The following PLCG2 variants were observed in gnomAD, a reference collection of about 807,000 sequenced individuals.
The protein encoded by PLCG2 is 1-phosphatidylinositol 4,5-bisphosphate phosphodiesterase gamma-2.
PLCG2 carries 69 observed loss-of-function variants against 175.6 expected under a neutral mutation model. The ratio of observed to expected loss-of-function variants is 0.39; its 90% CI spans 0.32 to 0.48. The LOEUF is 0.48. PLCG2 is among the 20% of genes least tolerant of loss of function. The pLI is 0.91. For synonymous variants in PLCG2, 827 were observed against 624.0 expected, an observed-to-expected ratio of 1.33 and a Z score of -4.85; for missense variants, 1,798 against 1,650.9, an observed-to-expected ratio of 1.09 and a Z score of -1.54.
At chr16:81,747,679 G>C (rs989983773) in intron 1 of PLCG2, among the ~76,000 whole-genome samples, 1 of 152,002 alleles carries the variant, frequency 6.6e-6, no homozygotes, top group Non-Finnish European at 1.5e-5. Context: ...AAAATAATAA[G>C]GTGCAACATC....
At chr16:81,920,444 T>C (rs1910014452) in intron 20 of PLCG2, among the ~76,000 whole-genome samples, 1 of 152,120 alleles carries the variant, frequency 6.6e-6, no homozygotes, top group African/African-American at 2.4e-5. Context: ...TCAGGTAGCA[T>C]GAAATATAAT....
intron 2 of PLCG2, among the ~76,000 whole-genome samples, chr16:81,818,167 G>A (rs965758456): frequency 2.6e-5 from 4 of 152,208 alleles, no homozygotes; most frequent in African/African-American, 9.7e-5. Context: ...TCTTACTCCC[G>A]TTAGGATTGC....
intron 5 of PLCG2, among the ~76,000 whole-genome samples, chr16:81,859,965 A>G (rs192676224): frequency 2.0e-5 from 3 of 152,014 alleles, no homozygotes; most frequent in African/African-American, 4.8e-5. Context: ...AAGCTCTATG[A>G]CGGACTATTA....
intron 2 of PLCG2, among the ~76,000 whole-genome samples, chr16:81,790,246 A>G (rs1434813083): frequency 2.6e-5 from 4 of 152,154 alleles, no homozygotes; most frequent in East Asian, 1.9e-4. Context: ...AGTCCAGCCT[A>G]TGTAGTCTTC....
At chr16:81,829,658 C>T (rs1567486457) in intron 2 of PLCG2, among the ~76,000 whole-genome samples, 1 of 152,240 alleles carries the variant, frequency 6.6e-6, no homozygotes, top group South Asian at 2.1e-4. Flanking sequence ...AGGATTCATC[C>T]AGGACACCAC....
In PLCG2 at chr16:81,895,839, G is replaced by C; in HGVS notation, c.1105G>C (p.Val369Leu). 6.2e-7 allele frequency: 1 copy of C among 1,614,190 alleles called. No homozygotes were observed. The highest frequency in any genetic ancestry group is 8.5e-7 in the Non-Finnish European group (1 of 1,180,028). The change falls in exon 13 of 33, where the codon GTC becomes CTC. Residue 369 changes from valine to leucine, a missense_variant. Val to Leu is a conservative substitution (Grantham distance 32). Transcript: ENST00000564138. The part of the protein sequence containing the change: ...DCWDGPDGKP[V>L]IYHGWTRTTK... ...CTGGGACGGGCCCGATGGGAAGCCGGTCATCTACCATGGCTGGACGCGGAC... is the reference window on the plus strand; with the variant it reads ...CTGGGACGGGCCCGATGGGAAGCCGCTCATCTACCATGGCTGGACGCGGAC...
At chr16:81,783,061 T>C in intron 1 of PLCG2, 1 of 457,070 alleles carries the variant, frequency 2.2e-6, no homozygotes, top group South Asian at 1.6e-5. Flanking sequence ...GAAGGTTAAG[T>C]CCAAGGCCCT....
At chr16:81,803,113 C>T (rs1457688607) in intron 2 of PLCG2, among the ~76,000 whole-genome samples, 1 of 131,390 alleles carries the variant, frequency 7.6e-6, no homozygotes, top group Non-Finnish European at 1.6e-5. Flanking sequence ...TTGCATTTCA[C>T]TTTTTTTTTT....
At position 81,959,709 on chromosome 16, in the gene PLCG2, A is replaced by G. The variant is rs906570759; in HGVS notation, c.*1711A>G. The G allele has an allele frequency of 2.7e-5, 5 of 184,546 alleles. No homozygotes were observed. Among genetic ancestry groups the G allele is most frequent in the African/African-American group, 1.2e-4 (5 of 42,638 alleles). 11.4% of individuals were successfully genotyped at this position (184,546 alleles called of 1,614,324 possible). A position where few individuals can be genotyped will look rare whatever the true frequency, so the allele number is the denominator to read the frequency against. On this transcript the variant is annotated 3_prime_UTR_variant, in exon 33 of 33. Transcript: ENST00000564138. ...ACTTTCAAGAAAGGCTAGGTGAGAA[A>G]GGCACTGGGATGAGTGCTGCAGGCA...
At chr16:81,912,560 C>T (rs182469761) in intron 18 of PLCG2, 37 bp from the exon 19 acceptor site, 22 of 1,608,502 alleles carry the variant, frequency 1.4e-5, no homozygotes, top group East Asian at 6.7e-5. Flanking sequence ...GCCTGGAGAC[C>T]GCTCACCTGG....
chr16:81,959,155 A>G lies in PLCG2; in HGVS notation c.*1157A>G, dbSNP rs951275747. ...TGGTTGGTAGAGTCACAACTTCTCA[A>G]TGAGTGAATTTACAGCTGATGGGAA... On this transcript the variant is annotated 3_prime_UTR_variant, in exon 33 of 33. Transcript: ENST00000564138. 4.5e-6 allele frequency: 1 copy of G among 224,284 alleles called. No homozygotes were observed. Among genetic ancestry groups the G allele is most frequent in the African/African-American group, 2.2e-5 (1 of 44,870 alleles). The allele number at this position is 224,284 out of a possible 1,614,324, so 13.9% of individuals were successfully genotyped here. A position where few individuals can be genotyped will look rare whatever the true frequency, so the allele number is the denominator to read the frequency against.
At chr16:81,844,059 C>T (rs144401565) in intron 2 of PLCG2, among the ~76,000 whole-genome samples, 414 of 150,548 alleles carry the variant, frequency 2.7e-3, no homozygotes, top group Non-Finnish European at 5.3e-3. Context: ...TCACTACAAG[C>T]TCTGCCTCCC....
At chr16:81,947,313 C>T (rs879013183) in intron 31 of PLCG2, among the ~76,000 whole-genome samples, 1 of 152,194 alleles carries the variant, frequency 6.6e-6, no homozygotes, top group Admixed American at 6.5e-5. Context: ...GCTCACAAAT[C>T]TGCTTTCTGA....
upstream of PLCG2, among the ~76,000 whole-genome samples, chr16:81,776,084 T>TTTCTTTCTTTCTTG (rs56837530): frequency 2.6e-4 from 12 of 46,446 alleles, 2 homozygotes; most frequent in South Asian, 2.5e-3. Flanking sequence ...TCTCTCTCTC[T>TTTCTTTCTTTCTTG]CTCTCTTTCT....
chr16:81,934,907 C>T (rs1166560619), intron 26 of PLCG2, among the ~76,000 whole-genome samples: 1 of 152,086 alleles, frequency 6.6e-6, no homozygotes. Context: ...TATTCAGTAC[C>T]ACAACAACGG....
rs915634778 is a variant in PLCG2, at chr16:81,960,870, T to C, written c.*2872T>C. 1.3e-5 allele frequency: 3 copies of C among 229,904 alleles called. No individual in the cohort carries two copies. Among genetic ancestry groups the C allele is most frequent in the Non-Finnish European group, 2.6e-5 (3 of 115,932 alleles). The allele number at this position is 229,904 out of a possible 1,614,324, so 14.2% of individuals were successfully genotyped here. On this transcript the variant is annotated 3_prime_UTR_variant, in exon 33 of 33. Transcript: ENST00000564138. ...CTCCAGTACTCTCAGGGGAGCAGTG[T>C]TCAGAGCCTCATCTTCCTGTTATAT...
intron 2 of PLCG2, among the ~76,000 whole-genome samples, chr16:81,802,093 C>CTTT (rs1157731599): frequency 0.013 from 509 of 40,006 alleles, 188 homozygotes; most frequent in Middle Eastern, 0.037. Flanking sequence ...TGAGTACAGT[C>CTTT]TTTTTTTTTT....
At chr16:81,789,769 C>T (rs1216173773) in intron 2 of PLCG2, among the ~76,000 whole-genome samples, 1 of 152,060 alleles carries the variant, frequency 6.6e-6, no homozygotes, top group Non-Finnish European at 1.5e-5. Context: ...CACTGCCCTT[C>T]CTCCACCTTC....
At chr16:81,783,024 G>C (rs979787813) in intron 1 of PLCG2, 14 of 433,316 alleles carry the variant, frequency 3.2e-5, no homozygotes, top group African/African-American at 2.7e-4. Context: ...ACTGGGCTTC[G>C]AAGCTGGAAG....
Sources: allele counts gnomAD v4.1 joint callset (sites outside exome capture counted in the v4.1 genomes callset), GRCh38; gene constraint gnomAD v4.1.1; transcripts MANE v1.5; gene names NCBI Gene and HGNC (gene_info 2026-07-23, HGNC 2026-07-21).